The following GALNS variants were observed in gnomAD, a reference collection of about 807,000 sequenced individuals.
GALNS encodes the protein N-acetylgalactosamine-6-sulfatase.
Under a neutral mutation model 65.9 loss-of-function variants are expected in GALNS, and 65 were observed. That is an observed-to-expected ratio of 0.99 (90% confidence interval 0.81 to 1.21). The LOEUF is 1.21. GALNS is among the 50% of genes most tolerant of loss of function. The pLI, the probability that GALNS is intolerant of heterozygous loss-of-function variation, is 0.00. For synonymous variants in GALNS, 346 were observed against 288.9 expected, an observed-to-expected ratio of 1.20 and a Z score of -2.00; for missense variants, 776 against 700.7, an observed-to-expected ratio of 1.11 and a Z score of -1.21.
rs147198979 is a variant in GALNS at position 88,852,015 on chromosome 16, G to A, written c.120+4743C>T. ...CTCTGAAGAGAGCAGTGGTTCTCCC[G>A]GCACAGTGTTTGAGCTCTGAGAACG... On this transcript the variant is annotated intron_variant, in intron 1 of 13. Transcript: ENST00000268695. Among the ~76,000 whole-genome samples the A allele has an allele frequency of 7.2e-3, 1,100 of 152,326 alleles. 20 individuals carry two copies. Among genetic ancestry groups the A allele is most frequent in the African/African-American group, 0.025 (1,050 of 41,572 alleles).
intron 10 of GALNS, among the ~76,000 whole-genome samples, chr16:88,825,088 G>A (rs1283024104): frequency 1.3e-5 from 2 of 149,554 alleles, no homozygotes; most frequent in East Asian, 3.9e-4. Context: ...CAGGGCTGGG[G>A]TGACTGGGTA....
In GALNS at chr16:88,826,754, T is replaced by C. The variant is rs758802414; in HGVS notation, c.1087A>G (p.Ile363Val). 42 of 1,611,540 alleles carry C rather than the reference T, an allele frequency of 2.6e-5. No homozygotes were observed. The highest frequency in any genetic ancestry group is 6.7e-5 in the Admixed American group (4 of 59,836). Residue 363 changes from isoleucine to valine, a missense_variant, in exon 10 of 14, where the codon ATT (isoleucine) becomes GTT (valine). Transcript: ENST00000268695. ...GTGGGGAGGAGGTTGAGGCCATCAA[T>C]GGCCCTGTCGCTGGGCGGCGTCAGG... The part of the protein sequence containing the change: ...AGLTPPSDRA[I>V]DGLNLLPTLL...
intron 2 of GALNS, chr16:88,842,330 G>A (rs1289834066): frequency 6.0e-6 from 3 of 502,600 alleles, no homozygotes; most frequent in Non-Finnish European, 1.1e-5. Flanking sequence ...AACACCACAT[G>A]TTTCTGTCTC....
intron 12 of GALNS, among the ~76,000 whole-genome samples, chr16:88,821,406 C>T (rs895561667): frequency 2.0e-5 from 3 of 152,210 alleles, no homozygotes; most frequent in African/African-American, 7.2e-5. Context: ...AAGGCACAGG[C>T]CCTACTTCCC....
At chr16:88,827,297 C>T (rs116501586) in intron 9 of GALNS, among the ~76,000 whole-genome samples, 6,293 of 152,166 alleles carry the variant, frequency 0.041, 163 homozygotes, top group South Asian at 0.082. Context: ...GGGGTGGGGA[C>T]GGCTCCTGAC....
intron 12 of GALNS, among the ~76,000 whole-genome samples, chr16:88,821,394 A>G (rs2142991657): frequency 6.6e-6 from 1 of 152,250 alleles, no homozygotes; most frequent in Admixed American, 6.5e-5. Flanking sequence ...TGCCTTAATC[A>G]CAAGGCACAG....
chr16:88,818,115 G>A lies in GALNS; in HGVS notation c.1374C>T (p.Ser458=), dbSNP rs534204869. Residue 458 remains serine (S), a synonymous_variant, in exon 13 of 14, where the codon AGC becomes AGT. Transcript: ENST00000268695. ...TGCTGAGGGCCTCCTGGTACTCGGC[G>A]CTGGCAAAGCTGGGGACAGAGAGCT... ...PGERFPLSFA[S]AEYQEALSRI... is the part of the protein sequence containing the mutation. The A allele has an allele frequency of 2.2e-5, 34 of 1,571,338 alleles. 1 individual carries two copies. Among genetic ancestry groups the A allele is most frequent in the South Asian group, 1.6e-4 (14 of 86,414 alleles).
At chr16:88,848,106 G>A (rs980014251) in intron 1 of GALNS, among the ~76,000 whole-genome samples, 1 of 152,226 alleles carries the variant, frequency 6.6e-6, no homozygotes, top group Non-Finnish European at 1.5e-5. Flanking sequence ...TGAGCCGTAA[G>A]ATTCCATTCA....
At chr16:88,834,911 G>A (rs567081926) in intron 8 of GALNS, among the ~76,000 whole-genome samples, 2 of 152,220 alleles carry the variant, frequency 1.3e-5, no homozygotes, top group African/African-American at 4.8e-5. Flanking sequence ...GTTTCCATGC[G>A]GCCTCCAAAG....
intron 1 of GALNS, among the ~76,000 whole-genome samples, chr16:88,851,722 C>T (rs1236265962): frequency 2.6e-5 from 4 of 152,268 alleles, no homozygotes; most frequent in East Asian, 2.0e-4. Context: ...GGGCCTGGCT[C>T]GGAGGGTCTC....
intron 12 of GALNS, among the ~76,000 whole-genome samples, chr16:88,820,508 CTG>C (rs1159297948): frequency 6.6e-6 from 1 of 152,236 alleles, no homozygotes; most frequent in Admixed American, 6.5e-5. Context: ...GTGAATCAGG[CTG>C]TGTCATGGGT....
chr16:88,821,206 G>A (rs1910181780), intron 12 of GALNS, among the ~76,000 whole-genome samples: 1 of 152,138 alleles, frequency 6.6e-6, no homozygotes, highest in Non-Finnish European at 1.5e-5. Context: ...AGGGTCTCAG[G>A]GCTGTGCACC....
chr16:88,819,532 C>T (rs1449622528), intron 12 of GALNS, among the ~76,000 whole-genome samples: 2 of 151,948 alleles, frequency 1.3e-5, no homozygotes, highest in Admixed American at 6.6e-5. Context: ...TTGCTTTAAT[C>T]TTGTTTATTT....
chr16:88,841,080 C>T lies in GALNS; in HGVS notation c.334G>A (p.Glu112Lys), dbSNP rs1272970923. 1 of 1,613,148 alleles carries T rather than the reference C, an allele frequency of 6.2e-7. No homozygotes were observed. ...GAGTCTGGGATGCCGCCCACAATCT[C>T]CTGCGGTGTGTAGGCTGGAAGAGCA... ...AHARNAYTPQ[E>K]IVGGIPDSEQ... The change falls in exon 4 of 14, where the codon GAG (glutamate) becomes AAG (lysine). Residue 112 changes from glutamate to lysine, a missense_variant. Physicochemically the swap from Glu to Lys is moderately conservative, Grantham distance 56. Coordinates refer to ENST00000268695, the MANE Select transcript of GALNS (RefSeq NM_000512.5).
intron 1 of GALNS, among the ~76,000 whole-genome samples, chr16:88,847,645 C>G (rs1005222492): frequency 5.3e-5 from 8 of 152,226 alleles, no homozygotes; most frequent in African/African-American, 1.9e-4. Context: ...GGTCTCTCCA[C>G]AGTTCACCAC....
intron 1 of GALNS, among the ~76,000 whole-genome samples, chr16:88,849,264 G>T (rs1469207644): frequency 6.6e-6 from 1 of 151,542 alleles, no homozygotes; most frequent in African/African-American, 2.4e-5. Context: ...ACAGGCACAT[G>T]CCACCATGCC....
Position 88,814,153 on chromosome 16 carries a change from T to G in GALNS, c.*286A>C. On this transcript the variant is annotated 3_prime_UTR_variant, in exon 14 of 14. Coordinates refer to ENST00000268695, the MANE Select transcript of GALNS (RefSeq NM_000512.5). ...AAAATAAACTGAGACTGGTCTCAGA[T>G]ATTTGGGGTTCACAAAGGCGTGAGA... 1 of 524,394 alleles carries G rather than the reference T, an allele frequency of 1.9e-6. No individual in the cohort carries two copies. The allele number at this position is 524,394 out of a possible 1,614,324, so 32.5% of individuals were successfully genotyped here. A position where few individuals can be genotyped will look rare whatever the true frequency, so the allele number is the denominator to read the frequency against.
Position 88,838,906 on chromosome 16 carries a change from C to G in GALNS, c.423-1141G>C, listed in dbSNP as rs531889118. ...GCCTCCCTGGACATGGCCTCTGTAC[C>G]CTGGACCTCCCGAGCTGCCTCTCCC... On this transcript the variant is annotated intron_variant, in intron 4 of 13. Transcript: ENST00000268695. 208 of 152,662 alleles carry G rather than the reference C, an allele frequency of 1.4e-3. 3 individuals are homozygous for G. Among genetic ancestry groups the G allele is most frequent in the African/African-American group, 5.0e-3 (206 of 41,554 alleles). 9.5% of individuals were successfully genotyped at this position (152,662 alleles called of 1,614,324 possible).
chr16:88,846,509 CTTTTTTTTTTTTTTT>C (rs59223444), intron 1 of GALNS, among the ~76,000 whole-genome samples: 5 of 88,696 alleles, frequency 5.6e-5, no homozygotes, highest in African/African-American at 1.3e-4. Context: ...GCGTTTCTGG[CTTTTTTTTTTTTTTT>C]TTTTTTTTTG....
Sources: gnomAD v4.1 joint callset for allele counts (sites outside exome capture counted in the v4.1 genomes callset) on GRCh38, gnomAD v4.1.1 for gene constraint, MANE v1.5 for transcripts, NCBI Gene and HGNC (gene_info 2026-07-23, HGNC 2026-07-21) for gene names.